Variants in CEP63 observed in about 807,000 individuals in gnomAD.
CEP63 encodes the protein centrosomal protein of 63 kDa.
Under a neutral mutation model 89.1 loss-of-function variants are expected in CEP63, and 84 were observed. That is an observed-to-expected ratio of 0.94 (90% CI 0.79 to 1.13). The LOEUF (loss-of-function observed/expected upper bound fraction) is 1.13. CEP63 is among the 50% of genes most tolerant of loss of function. The pLI, the probability that CEP63 is intolerant of heterozygous loss-of-function variation, is 0.00. For missense variants in CEP63, 838 were observed against 813.3 expected (o/e 1.03, Z -0.37); for synonymous variants, 267 against 272.5 (o/e 0.98, Z 0.20).
chr3:134,533,094 G>A (rs1282810341), intron 5 of CEP63, among the ~76,000 whole-genome samples, 194 bp downstream of exon 5: 1 of 152,148 alleles, frequency 6.6e-6, no homozygotes, highest in Non-Finnish European at 1.5e-5. Flanking sequence ...GGGGTTACTG[G>A]CCATCAGTAA....
At chr3:134,531,037 G>T (rs1338007050) in intron 3 of CEP63, among the ~76,000 whole-genome samples, 1 of 152,158 alleles carries the variant, frequency 6.6e-6, no homozygotes, top group East Asian at 1.9e-4. Context: ...TGAAAAGTGG[G>T]TTAGGATAAC....
Position 134,564,543 on chromosome 3 carries a change from A to G in CEP63, c.*3008A>G. On this transcript the variant is annotated 3_prime_UTR_variant, in exon 15 of 15. Coordinates refer to ENST00000675561, the MANE Select transcript of CEP63 (RefSeq NM_001353108.3). ...TACATCCTCAGTCAGCATGCTGCCT[A>G]ACACATAACAGATCCTAAGCAAATA... is the stretch of plus-strand genomic sequence containing the variant. 1 of 985,466 alleles carries G rather than the reference A, an allele frequency of 1.0e-6. No individual in the cohort carries two copies. Among genetic ancestry groups the G allele is most frequent in the Non-Finnish European group, 1.2e-6 (1 of 829,936 alleles). 61.0% of individuals were successfully genotyped at this position (985,466 alleles called of 1,614,324 possible). A position where few individuals can be genotyped will look rare whatever the true frequency, so the allele number is the denominator to read the frequency against.
the CEP63 span, among the ~76,000 whole-genome samples, chr3:134,626,731 C>A: frequency 1.3e-5 from 2 of 152,182 alleles, no homozygotes; most frequent in African/African-American, 2.4e-5. Context: ...GAGGCAATGC[C>A]CACTTATTGG....
chr3:134,557,058 G>A (rs1345353664), intron 12 of CEP63, among the ~76,000 whole-genome samples: 1 of 152,142 alleles, frequency 6.6e-6, no homozygotes, highest in Non-Finnish European at 1.5e-5. Flanking sequence ...GTAGGAAGCT[G>A]AAGTTACTTG....
At chr3:134,725,517 T>G in the CEP63 span, among the ~76,000 whole-genome samples, 2 of 152,178 alleles carry the variant, frequency 1.3e-5, no homozygotes, top group Admixed American at 1.3e-4. Context: ...AGTCCTAAGT[T>G]GCCAGGTTTT....
the CEP63 span, among the ~76,000 whole-genome samples, chr3:134,727,341 A>G: frequency 2.6e-5 from 4 of 152,206 alleles, no homozygotes; most frequent in African/African-American, 9.6e-5. Context: ...GTTTGATTAA[A>G]GTGGGTGATC....
downstream of CEP63, among the ~76,000 whole-genome samples, chr3:134,590,358 A>G (rs1473477704): frequency 6.6e-6 from 1 of 152,262 alleles, no homozygotes; most frequent in African/African-American, 2.4e-5. Flanking sequence ...ATTGGATACT[A>G]GGTCAATGCA....
At chr3:134,489,225 C>G (rs1258272292) in intron 1 of CEP63, among the ~76,000 whole-genome samples, 1 of 151,690 alleles carries the variant, frequency 6.6e-6, no homozygotes. Context: ...TGCTCGGTAG[C>G]TACAGATTGC....
At chr3:134,485,930 C>CG, upstream of CEP63, 1 of 960,672 alleles carries the variant, frequency 1.0e-6, no homozygotes, top group Non-Finnish European at 1.2e-6. Flanking sequence ...AAACCTAGGC[C>CG]GGGGGCGCTG....
the CEP63 span, among the ~76,000 whole-genome samples, chr3:134,767,230 T>A: frequency 2.0e-5 from 3 of 152,216 alleles, no homozygotes; most frequent in Non-Finnish European, 4.4e-5. Flanking sequence ...GGTCCAAGGC[T>A]GTTGACATAG....
the CEP63 span, chr3:134,607,293 T>G: frequency 1.0e-6 from 1 of 985,502 alleles, no homozygotes; most frequent in Non-Finnish European, 1.2e-6. Flanking sequence ...GCTCAGCAAC[T>G]TGGCAAAGGA....
intron 3 of CEP63, among the ~76,000 whole-genome samples, chr3:134,522,532 G>A (rs1310672138): frequency 6.6e-6 from 1 of 152,094 alleles, no homozygotes. Flanking sequence ...GTAAACTTGT[G>A]TCGTGGGGGT....
intron 3 of CEP63, among the ~76,000 whole-genome samples, chr3:134,526,759 G>A (rs1177253491): frequency 2.0e-5 from 3 of 151,866 alleles, no homozygotes; most frequent in African/African-American, 4.8e-5. Context: ...TGAAGTTGCT[G>A]ACCCTTGGAT....
At chr3:134,700,145 A>G in the CEP63 span, among the ~76,000 whole-genome samples, 2 of 152,210 alleles carry the variant, frequency 1.3e-5, no homozygotes, top group African/African-American at 4.8e-5. Flanking sequence ...CCTAGAAACT[A>G]TATTTTGATT....
the CEP63 span, among the ~76,000 whole-genome samples, chr3:134,728,766 T>C: frequency 6.6e-6 from 1 of 152,216 alleles, no homozygotes; most frequent in South Asian, 2.1e-4. Flanking sequence ...ACATAAAATA[T>C]AAAGATTGAT....
At chr3:134,547,570 T>A (rs2109694103) in intron 9 of CEP63, 98 bp downstream of exon 9, 1 of 926,964 alleles carries the variant, frequency 1.1e-6, no homozygotes, top group East Asian at 3.6e-5. Flanking sequence ...GTAAAAAAAA[T>A]AAGATTTTTT....
chr3:134,609,496 T>G, the CEP63 span, among the ~76,000 whole-genome samples: 55 of 152,160 alleles, frequency 3.6e-4, no homozygotes, highest in African/African-American at 1.3e-3. Flanking sequence ...GTGTCAAGAT[T>G]TAAGGTGCAA....
chr3:134,513,106 C>T (rs1945376027), intron 3 of CEP63, among the ~76,000 whole-genome samples: 1 of 152,180 alleles, frequency 6.6e-6, no homozygotes, highest in Admixed American at 6.5e-5. Context: ...TTGCCATTCT[C>T]CACCGTGGAT....
chr3:134,486,244 G>T lies in CEP63; in HGVS notation c.-26+42G>T, dbSNP rs1935274683. On this transcript the variant is annotated intron_variant, in intron 1 of 14. Coordinates refer to ENST00000675561, the MANE Select transcript of CEP63 (RefSeq NM_001353108.3). ...TCAGGGGCGTGCTTGCGGCAACCCTGTAACCGCCGGTGCGCAAGTTGGAGG... is the reference window on the plus strand; with the variant it reads ...TCAGGGGCGTGCTTGCGGCAACCCTTTAACCGCCGGTGCGCAAGTTGGAGG... 4.1e-6 allele frequency: 4 copies of T among 985,178 alleles called. No individual in the cohort carries two copies. The South Asian group carries it at 1.9e-4, about 46-fold the overall frequency. The allele number at this position is 985,178 out of a possible 1,614,324, so 61.0% of individuals were successfully genotyped here.
Sources: allele counts gnomAD v4.1 joint callset (sites outside exome capture counted in the v4.1 genomes callset), GRCh38; gene constraint gnomAD v4.1.1; transcripts MANE v1.5; gene names NCBI Gene and HGNC (gene_info 2026-07-23, HGNC 2026-07-21).